COBL: variants seen among roughly 807,000 people sequenced by gnomAD.
COBL encodes the protein protein cordon-bleu.
COBL carries 51 observed loss-of-function variants against 98.8 expected under a neutral mutation model. That is an observed-to-expected ratio of 0.52 (90% CI 0.41 to 0.65). COBL has a LOEUF of 0.65. Ranked by LOEUF, COBL falls within the 30% of genes least tolerant of loss-of-function variation. The pLI is 0.00. For synonymous variants in COBL, 634 were observed against 651.7 expected (o/e 0.97, Z 0.41); for missense variants, 1,617 against 1,617.5 (o/e 1.00, Z 0.01).
At chr7:51,252,906 G>C (rs1414611616) in intron 1 of COBL, among the ~76,000 whole-genome samples, 2 of 152,134 alleles carry the variant, frequency 1.3e-5, no homozygotes, top group African/African-American at 4.8e-5. Context: ...CCAGGTCAAG[G>C]TTGCAAAATG....
At chr7:51,098,711 A>AG (rs1251325160) in intron 6 of COBL, among the ~76,000 whole-genome samples, 16 of 152,300 alleles carry the variant, frequency 1.1e-4, no homozygotes, top group Admixed American at 4.6e-4. Context: ...ATGGTTTCTT[A>AG]GATATGGCAC....
intron 1 of COBL, among the ~76,000 whole-genome samples, chr7:51,253,678 A>T (rs1205299416): frequency 6.6e-6 from 1 of 152,232 alleles, no homozygotes. Flanking sequence ...ACCACCTACA[A>T]TACCTACAAA....
intron 6 of COBL, among the ~76,000 whole-genome samples, chr7:51,088,689 G>A (rs1032721248): frequency 6.6e-6 from 1 of 152,138 alleles, no homozygotes; most frequent in Admixed American, 6.5e-5. Context: ...GTATGTTTCT[G>A]TGTCTAGAGT....
At chr7:51,053,742 C>T (rs759903637) in intron 7 of COBL, among the ~76,000 whole-genome samples, 16 of 152,224 alleles carry the variant, frequency 1.1e-4, no homozygotes, top group Non-Finnish European at 1.8e-4. Flanking sequence ...GCCCCTCGGC[C>T]GGGCCCGGCC....
At chr7:51,018,768 T>A (rs1400477856) in intron 12 of COBL, among the ~76,000 whole-genome samples, 1 of 150,646 alleles carries the variant, frequency 6.6e-6, no homozygotes, top group Non-Finnish European at 1.5e-5. Flanking sequence ...GGCACATGCC[T>A]GTAATGCCAG....
chr7:51,078,186 GA>G (rs1328843980), intron 7 of COBL, among the ~76,000 whole-genome samples: 3 of 152,170 alleles, frequency 2.0e-5, no homozygotes, highest in African/African-American at 7.2e-5. Context: ...TCTTGCCAAA[GA>G]ATTGGGTCAG....
intron 6 of COBL, among the ~76,000 whole-genome samples, chr7:51,111,353 C>A (rs1796807649): frequency 6.6e-6 from 1 of 152,172 alleles, no homozygotes; most frequent in Admixed American, 6.5e-5. Flanking sequence ...TCTTTGATAA[C>A]AAGCCCTTCT....
chr7:51,252,423 T>C (rs1422207422), intron 1 of COBL, among the ~76,000 whole-genome samples: 2 of 152,156 alleles, frequency 1.3e-5, no homozygotes, highest in Non-Finnish European at 1.5e-5. Context: ...CCAGTATTAA[T>C]ACTTTGCATC....
At chr7:51,304,078 G>A (rs1802241621) in intron 1 of COBL, among the ~76,000 whole-genome samples, 1 of 152,182 alleles carries the variant, frequency 6.6e-6, no homozygotes, top group Non-Finnish European at 1.5e-5. Context: ...CAACAGTCAG[G>A]AGACCAGAAT....
chr7:51,241,273 C>A (rs140599676), intron 1 of COBL, among the ~76,000 whole-genome samples: 1 of 152,336 alleles, frequency 6.6e-6, no homozygotes, highest in Non-Finnish European at 1.5e-5. Flanking sequence ...TTTAAACATT[C>A]TTTTACTAAC....
chr7:51,289,729 C>T (rs114007174), intron 1 of COBL, among the ~76,000 whole-genome samples: 1,705 of 152,352 alleles, frequency 0.011, 36 homozygotes, highest in African/African-American at 0.039. Context: ...GAACAAACAA[C>T]TACAAGTAAT....
chr7:51,253,001 T>A (rs1384417181), intron 1 of COBL, among the ~76,000 whole-genome samples: 1 of 152,072 alleles, frequency 6.6e-6, no homozygotes, highest in Non-Finnish European at 1.5e-5. Flanking sequence ...GGCGGGCAGA[T>A]CACCTGAGGT....
intron 7 of COBL, 96 bp from the exon 8 acceptor site, chr7:51,043,788 A>C: frequency 9.0e-7 from 1 of 1,115,940 alleles, no homozygotes; most frequent in Non-Finnish European, 1.3e-6. Context: ...CCGCTCTAAA[A>C]TTTGGGATTC....
At chr7:51,116,507 A>C (rs1327255915) in intron 6 of COBL, among the ~76,000 whole-genome samples, 1 of 152,182 alleles carries the variant, frequency 6.6e-6, no homozygotes, top group African/African-American at 2.4e-5. Flanking sequence ...AGAGATTATA[A>C]ACCCCAAAGA....
At chr7:51,170,532 A>T (rs866968178) in intron 5 of COBL, among the ~76,000 whole-genome samples, 2,244 of 139,450 alleles carry the variant, frequency 0.016, 56 homozygotes, top group African/African-American at 0.057. Context: ...TATATATATA[A>T]ATATATATCA....
Position 51,136,142 on chromosome 7 carries a change from C to G in COBL, c.957+16G>C, listed in dbSNP as rs767772641. The G allele has an allele frequency of 1.2e-6, 2 of 1,601,998 alleles. No individual in the cohort carries two copies. Among genetic ancestry groups the G allele is most frequent in the Non-Finnish European group, 1.7e-6 (2 of 1,175,718 alleles). On this transcript the variant is annotated intron_variant, in intron 6 of 12. Coordinates refer to ENST00000265136, the MANE Select transcript of COBL (RefSeq NM_015198.5). ...TGAAAAGATGCTTTGGTTGTGAGAA[C>G]AGCCCACTGCCCTACCTTTTCCGAT...
rs1336653412 is a variant in COBL, at chr7:51,067,134, G to A, written c.1096+18032C>T. ...GTGTGTGGGGTGGCGTGGGGGTGGG[G>A]AAGCATACTGGCAGCAACAAGCTAA... On this transcript the variant is annotated intron_variant, in intron 7 of 12. Transcript: ENST00000265136. Among the ~76,000 whole-genome samples the A allele has an allele frequency of 8.5e-5, 13 of 152,294 alleles. No individual in the cohort carries two copies. The East Asian group carries it at 2.5e-3, about 29-fold the overall frequency.
At chr7:51,037,127 CTATT>C (rs1486457673) in intron 8 of COBL, among the ~76,000 whole-genome samples, 6 of 152,080 alleles carry the variant, frequency 3.9e-5, no homozygotes, top group East Asian at 3.9e-4. Flanking sequence ...ATATATGTGT[CTATT>C]TATCTATTTT....
intron 1 of COBL, among the ~76,000 whole-genome samples, chr7:51,300,387 C>T (rs1369542931): frequency 1.3e-5 from 2 of 152,150 alleles, no homozygotes; most frequent in African/African-American, 2.4e-5. Flanking sequence ...TCTCAAACTC[C>T]TGACCTCAGG....
Sources: gnomAD v4.1 joint callset for allele counts (sites outside exome capture counted in the v4.1 genomes callset) on GRCh38, gnomAD v4.1.1 for gene constraint, MANE v1.5 for transcripts, NCBI Gene and HGNC (gene_info 2026-07-23, HGNC 2026-07-21) for gene names.